Variants in CABLES1 observed in about 807,000 individuals in gnomAD.
CABLES1 encodes the protein Cdk5 and Abl enzyme substrate 1, also known as CDK5 and ABL1 enzyme substrate 1.
Under a neutral mutation model 57.8 loss-of-function variants are expected in CABLES1, and 36 were observed. That is an observed-to-expected ratio of 0.62 (90% CI 0.48 to 0.82). CABLES1 has a LOEUF of 0.82. Ranked by LOEUF, CABLES1 falls within the 40% of genes least tolerant of loss-of-function variation. The pLI is 0.00. For synonymous variants in CABLES1, 374 were observed against 363.0 expected, an observed-to-expected ratio of 1.03 and a Z score of -0.35; for missense variants, 767 against 836.6, an observed-to-expected ratio of 0.92 and a Z score of 1.03.
intron 1 of CABLES1, among the ~76,000 whole-genome samples, chr18:23,145,979 A>G (rs2144954565): frequency 6.6e-6 from 1 of 152,358 alleles, no homozygotes; most frequent in East Asian, 1.9e-4. Flanking sequence ...TCCCTGGTTT[A>G]AAGCACAGGG....
intron 9 of CABLES1, 27 bp downstream of exon 9, chr18:23,253,963 G>C: frequency 6.3e-7 from 1 of 1,598,020 alleles, no homozygotes; most frequent in Non-Finnish European, 8.6e-7. Context: ...CTGGTGGCTG[G>C]AGGAGCACAT....
intron 1 of CABLES1, among the ~76,000 whole-genome samples, chr18:23,180,143 G>A (rs1031098891): frequency 7.9e-5 from 12 of 151,964 alleles, no homozygotes; most frequent in Admixed American, 1.3e-4. Context: ...GGATGGTCTC[G>A]ATCTCCTGAC....
chr18:23,203,169 G>A (rs79713670), intron 3 of CABLES1, among the ~76,000 whole-genome samples: 5,708 of 152,176 alleles, frequency 0.038, 129 homozygotes, highest in Middle Eastern at 0.071. Flanking sequence ...CCTCTGTCAC[G>A]TGCCTGCATG....
Position 23,236,030 on chromosome 18 carries a change from A to T in CABLES1, c.1321A>T (p.Thr441Ser). 12 of 1,614,134 alleles carry T rather than the reference A, an allele frequency of 7.4e-6. No homozygotes were observed. The highest frequency in any genetic ancestry group is 9.3e-6 in the Non-Finnish European group (11 of 1,180,038). The change falls in exon 6 of 10, where the codon ACC (threonine) becomes TCC (serine). Residue 441 changes from threonine to serine, a missense_variant. Thr to Ser is a moderately conservative substitution (Grantham distance 58). This residue lies in a region of CABLES1 where 529 missense variants were observed against 622.8 expected (regional missense o/e 0.85). Transcript: ENST00000256925. ...RSLSIGRASGTQGSLDTGSDL... is the reference protein window; with the variant it reads ...RSLSIGRASGSQGSLDTGSDL... Reference sequence around the variant, plus strand: ...CCTCTCCATAGGCCGGGCAAGCGGCACCCAGGGGAGCCTCGACACAGGTAA... The same window carrying T: ...CCTCTCCATAGGCCGGGCAAGCGGCTCCCAGGGGAGCCTCGACACAGGTAA...
chr18:23,222,563 TATATATAGATTAG>T (rs750115820), intron 4 of CABLES1, among the ~76,000 whole-genome samples: 7 of 148,290 alleles, frequency 4.7e-5, no homozygotes, highest in Non-Finnish European at 8.9e-5. Flanking sequence ...TATATATAGA[TATATATAGATTAG>T]ATATATAGAT....
chr18:23,209,806 C>CAT (rs1555665852), intron 3 of CABLES1, among the ~76,000 whole-genome samples: 22 of 152,000 alleles, frequency 1.4e-4, no homozygotes, highest in African/African-American at 5.1e-4. Flanking sequence ...TGGTGAGAGA[C>CAT]ATTGCCAGTG....
rs1263428178 is a variant in CABLES1, at chr18:23,136,098, C to A, written c.336C>A (p.Ala112=). 6.8e-6 allele frequency: 8 copies of A among 1,184,234 alleles called. No homozygotes were observed. In the African/African-American group the frequency reaches 1.3e-4, roughly 19 times the overall value. The allele number at this position is 1,184,234 out of a possible 1,614,324, so 73.4% of individuals were successfully genotyped here. A position where few individuals can be genotyped will look rare whatever the true frequency, so the allele number is the denominator to read the frequency against. Residue 112 remains alanine, a synonymous_variant, in exon 1 of 10, where the codon GCC becomes GCA. Transcript: ENST00000256925. ...CGAGGACTCGGTTCAGCTTGCTCGC[C>A]GCTGCCGAGCGGGGCGGCTGCATCG... ...CGARTRFSLL[A]AAERGGCIAL...
chr18:23,252,306 A>G (rs942695528), intron 7 of CABLES1, among the ~76,000 whole-genome samples: 7 of 152,210 alleles, frequency 4.6e-5, no homozygotes, highest in Non-Finnish European at 7.3e-5. Flanking sequence ...GGGCTGCACA[A>G]CTATGCGAAT....
chr18:23,248,512 C>CATTTTTTTTTT (rs2047956703), intron 7 of CABLES1, among the ~76,000 whole-genome samples: 1 of 90,714 alleles, frequency 1.1e-5, no homozygotes, highest in Non-Finnish European at 2.1e-5. Flanking sequence ...GACCCTATGT[C>CATTTTTTTTTT]TTTTTTTTTT....
chr18:23,253,989 T>G, intron 9 of CABLES1, 53 bp downstream of exon 9: 190 of 1,513,180 alleles, frequency 1.3e-4, no homozygotes, highest in Non-Finnish European at 1.6e-4. Context: ...GGTCCGGGGT[T>G]CCTCTCTCAG....
chr18:23,215,158 C>T (rs922231348), intron 4 of CABLES1, among the ~76,000 whole-genome samples: 8 of 152,172 alleles, frequency 5.3e-5, no homozygotes. Context: ...ACAGCCAAAC[C>T]TTGCAAAGTA....
intron 1 of CABLES1, among the ~76,000 whole-genome samples, chr18:23,182,111 A>C (rs965182135): frequency 6.6e-6 from 1 of 152,186 alleles, no homozygotes; most frequent in Non-Finnish European, 1.5e-5. Flanking sequence ...TGGCCCAGGT[A>C]TTTACCCAAG....
chr18:23,242,425 CA>C (rs2047759076), intron 7 of CABLES1, among the ~76,000 whole-genome samples: 1 of 152,168 alleles, frequency 6.6e-6, no homozygotes, highest in Non-Finnish European at 1.5e-5. Context: ...TGGTGTGTCT[CA>C]GGGGAGGGCG....
In CABLES1 at chr18:23,144,938, CT is replaced by C. The variant is rs760845340; in HGVS notation, c.845+8342del. On this transcript the variant is annotated intron_variant, in intron 1 of 9. Coordinates refer to ENST00000256925, the MANE Select transcript of CABLES1 (RefSeq NM_001100619.3). The stretch of plus-strand genomic sequence containing the variant: ...CCACACATCCTTTTTTTTTTTCTTT[CT>C]TTTTTTTTTTCTTTGAGACGGAGCC... Among the ~76,000 whole-genome samples the C allele has an allele frequency of 7.9e-3, 1,119 of 141,650 alleles. 8 individuals are homozygous for C. Among genetic ancestry groups the C allele is most frequent in the Middle Eastern group, 0.036 (10 of 274 alleles). 92.9% of individuals were successfully genotyped at this position (141,650 alleles called of 152,430 possible).
chr18:23,186,890 A>C (rs566396420), intron 1 of CABLES1, among the ~76,000 whole-genome samples: 75 of 152,290 alleles, frequency 4.9e-4, no homozygotes, highest in Non-Finnish European at 1.6e-4. Context: ...AGTCTCCCCC[A>C]GTCCAGCCTG....
At chr18:23,142,335 GAC>G (rs1170313044) in intron 1 of CABLES1, among the ~76,000 whole-genome samples, 1 of 152,114 alleles carries the variant, frequency 6.6e-6, no homozygotes, top group Non-Finnish European at 1.5e-5. Context: ...CAGCTGGACT[GAC>G]AATGTTAGGA....
chr18:23,214,568 A>G (rs943678745), intron 4 of CABLES1: 1 of 152,242 alleles, frequency 6.6e-6, no homozygotes, highest in South Asian at 2.1e-4. Flanking sequence ...TAGATCAACA[A>G]GCCCCTCCTT....
chr18:23,158,849 A>G (rs1347152910), intron 1 of CABLES1, among the ~76,000 whole-genome samples: 1 of 152,226 alleles, frequency 6.6e-6, no homozygotes, highest in Non-Finnish European at 1.5e-5. Context: ...CCACCCCTGT[A>G]GCACTATCTC....
chr18:23,254,756 C>G (rs1054885833), intron 9 of CABLES1, among the ~76,000 whole-genome samples: 1 of 152,166 alleles, frequency 6.6e-6, no homozygotes, highest in Non-Finnish European at 1.5e-5. Flanking sequence ...GTTTCTTCTT[C>G]TAAGGCTCTG....
Sources: gnomAD v4.1 joint callset for allele counts (sites outside exome capture counted in the v4.1 genomes callset) on GRCh38, gnomAD v4.1.1 for gene constraint, gnomAD v4.1.1 regional missense constraint, MANE v1.5 for transcripts, NCBI Gene and HGNC (gene_info 2026-07-23, HGNC 2026-07-21) for gene names.